ANO3: variants seen among roughly 807,000 people sequenced by gnomAD.
ANO3 encodes anoctamin 3.
In ANO3, 99 loss-of-function variants were observed where a neutral mutation model predicts 144.8. That is an observed-to-expected ratio of 0.68 (90% confidence interval 0.58 to 0.81). The LOEUF (loss-of-function observed/expected upper bound fraction) is 0.81. Ranked by LOEUF, ANO3 falls within the 30% of genes least tolerant of loss-of-function variation. ANO3 has a pLI of 0.00. For synonymous variants in ANO3, 414 were observed against 392.6 expected, an observed-to-expected ratio of 1.05 and a Z score of -0.64; for missense variants, 905 against 1,202.2, an observed-to-expected ratio of 0.75 and a Z score of 3.66.
chr11:26,444,568 A>G (rs1021280340), intron 3 of ANO3, among the ~76,000 whole-genome samples: 2 of 152,140 alleles, frequency 1.3e-5, no homozygotes, highest in African/African-American at 4.8e-5. Flanking sequence ...AGATCACTGG[A>G]GGGCTTTTCA....
At chr11:26,418,375 A>G (rs117852675) in intron 1 of ANO3, among the ~76,000 whole-genome samples, 2,506 of 152,110 alleles carry the variant, frequency 0.016, 25 homozygotes, top group Non-Finnish European at 0.025. Flanking sequence ...TTAAAATGCC[A>G]TCATAAACCC....
At chr11:26,452,249 C>T (rs908313210) in intron 3 of ANO3, among the ~76,000 whole-genome samples, 1 of 152,206 alleles carries the variant, frequency 6.6e-6, no homozygotes, top group Non-Finnish European at 1.5e-5. Flanking sequence ...CTTTGACGAG[C>T]TGAGAGAAGA....
At chr11:26,196,920 T>G (rs1352031313) in intron 1 of ANO3, among the ~76,000 whole-genome samples, 1 of 152,130 alleles carries the variant, frequency 6.6e-6, no homozygotes, top group South Asian at 2.1e-4. Flanking sequence ...TAAAAACTCA[T>G]TAAGAGAGAA....
At chr11:26,541,086 C>T (rs1341038787) in intron 10 of ANO3, among the ~76,000 whole-genome samples, 10 of 152,080 alleles carry the variant, frequency 6.6e-5, no homozygotes, top group Non-Finnish European at 1.3e-4. Context: ...GAAAATGTGA[C>T]ACATATACAC....
At chr11:26,259,061 T>C (rs746635661) in intron 1 of ANO3, among the ~76,000 whole-genome samples, 4 of 152,150 alleles carry the variant, frequency 2.6e-5, no homozygotes, top group Admixed American at 6.5e-5. Context: ...CAATGAAAGG[T>C]TGATGAAACT....
chr11:26,283,202 G>T (rs1853716610), intron 1 of ANO3, among the ~76,000 whole-genome samples: 1 of 150,560 alleles, frequency 6.6e-6, no homozygotes, highest in Non-Finnish European at 1.5e-5. Context: ...CAAGGTATAT[G>T]ATGTCATTGC....
At chr11:26,578,254 G>A (rs1365541980) in intron 14 of ANO3, among the ~76,000 whole-genome samples, 3 of 152,152 alleles carry the variant, frequency 2.0e-5, no homozygotes, top group African/African-American at 2.4e-5. Context: ...ACAAGGAGTG[G>A]CAGTAGGAAG....
At chr11:26,595,457 G>GTTTTTTTTTTTTT (rs1411703035) in intron 14 of ANO3, among the ~76,000 whole-genome samples, 19 of 67,840 alleles carry the variant, frequency 2.8e-4, no homozygotes, top group East Asian at 4.2e-4. Context: ...TTGAGATAGA[G>GTTTTTTTTTTTTT]TTGTTTTTTT....
chr11:26,511,303 G>C (rs1208141369), intron 5 of ANO3, among the ~76,000 whole-genome samples: 9 of 152,170 alleles, frequency 5.9e-5, no homozygotes, highest in Non-Finnish European at 8.8e-5. Flanking sequence ...CGAGTTGGGA[G>C]ATTTTTATAT....
At chr11:26,233,053 A>T (rs1184495049) in intron 1 of ANO3, among the ~76,000 whole-genome samples, 1 of 152,000 alleles carries the variant, frequency 6.6e-6, no homozygotes, top group Non-Finnish European at 1.5e-5. Flanking sequence ...CGTCTCTACT[A>T]AAAATACAAA....
chr11:26,445,494 G>A (rs767054134), intron 3 of ANO3, among the ~76,000 whole-genome samples: 1 of 151,984 alleles, frequency 6.6e-6, no homozygotes, highest in Non-Finnish European at 1.5e-5. Flanking sequence ...GTAACTTTAT[G>A]ATTCTTTTCT....
chr11:26,475,618 T>C (rs1363048875), intron 4 of ANO3, among the ~76,000 whole-genome samples: 2 of 152,046 alleles, frequency 1.3e-5, no homozygotes, highest in Non-Finnish European at 2.9e-5. Flanking sequence ...CAGCTATCAG[T>C]ATAAAAGGAG....
At chr11:26,329,184 T>C (rs7121193), upstream of ANO3, among the ~76,000 whole-genome samples, 38,801 of 151,956 alleles carry the variant, frequency 0.26, 5,404 homozygotes, top group South Asian at 0.33. Flanking sequence ...GAAATGTCAG[T>C]CCATCAAAAT....
intron 1 of ANO3, among the ~76,000 whole-genome samples, chr11:26,325,708 A>C (rs933807472): frequency 6.6e-6 from 1 of 152,200 alleles, no homozygotes; most frequent in African/African-American, 2.4e-5. Context: ...CTAACTGTAT[A>C]TTTGGATCAG....
intron 14 of ANO3, among the ~76,000 whole-genome samples, chr11:26,584,586 T>G (rs1482028055): frequency 6.6e-6 from 1 of 152,170 alleles, no homozygotes; most frequent in Admixed American, 6.5e-5. Flanking sequence ...ATTTTCAGTG[T>G]GTCAAGCACT....
At chr11:26,329,435 C>G (rs1296158596), upstream of ANO3, among the ~76,000 whole-genome samples, 5 of 152,006 alleles carry the variant, frequency 3.3e-5, no homozygotes, top group Admixed American at 6.6e-5. Context: ...CCTCTAGCAA[C>G]CTCCCCTAAA....
At chr11:26,358,789 A>T (rs912062171) in intron 1 of ANO3, among the ~76,000 whole-genome samples, 2 of 151,870 alleles carry the variant, frequency 1.3e-5, no homozygotes, top group African/African-American at 4.8e-5. Context: ...AAAATTTTTC[A>T]TCTTTAATTT....
intron 24 of ANO3, 47 bp downstream of exon 24, chr11:26,647,903 A>G (rs769958325): frequency 1.3e-6 from 2 of 1,551,420 alleles, no homozygotes; most frequent in Middle Eastern, 1.8e-4. Context: ...TACATTTGTA[A>G]TTAAAATAGG....
intron 1 of ANO3, among the ~76,000 whole-genome samples, chr11:26,217,150 T>C (rs999549916): frequency 2.0e-5 from 3 of 152,044 alleles, no homozygotes; most frequent in African/African-American, 7.2e-5. Flanking sequence ...CGTGATCATA[T>C]GGATTTTCTC....
Sources: allele counts gnomAD v4.1 joint callset (sites outside exome capture counted in the v4.1 genomes callset), GRCh38; gene constraint gnomAD v4.1.1; transcripts MANE v1.5; gene names NCBI Gene and HGNC (gene_info 2026-07-23, HGNC 2026-07-21).